Variants in MEI4 observed in about 807,000 individuals in gnomAD.
MEI4 encodes the protein meiosis-specific protein MEI4.
In MEI4, 27 loss-of-function variants were observed where a neutral mutation model predicts 31.4. The observed-to-expected ratio is 0.86, with a 90% CI of 0.63 to 1.19. MEI4 has a LOEUF of 1.19. MEI4 is among the 50% of genes most tolerant of loss of function. The pLI is 0.00. For synonymous variants in MEI4, 122 were observed against 145.4 expected, an observed-to-expected ratio of 0.84 and a Z score of 1.16; for missense variants, 329 against 398.9, an observed-to-expected ratio of 0.82 and a Z score of 1.49.
intron 2 of MEI4, among the ~76,000 whole-genome samples, chr6:77,711,798 C>T (rs1044508581): frequency 1.3e-5 from 2 of 152,166 alleles, no homozygotes; most frequent in East Asian, 1.9e-4. Flanking sequence ...TTATAAGGTA[C>T]ATCTTTAAAA....
At chr6:77,749,818 C>T (rs750875233) in intron 2 of MEI4, among the ~76,000 whole-genome samples, 39 of 152,108 alleles carry the variant, frequency 2.6e-4, no homozygotes, top group Non-Finnish European at 4.0e-4. Flanking sequence ...ACATAATGAT[C>T]AGATTCACCA....
intron 1 of MEI4, among the ~76,000 whole-genome samples, chr6:77,689,703 GA>G (rs1278276533): frequency 1.1e-4 from 17 of 152,022 alleles, no homozygotes; most frequent in Admixed American, 1.1e-3. Context: ...AATATGGAAG[GA>G]TAGGCTGGGG....
At chr6:77,919,960 A>G (rs1185242896) in intron 4 of MEI4, among the ~76,000 whole-genome samples, 1 of 148,100 alleles carries the variant, frequency 6.8e-6, no homozygotes, top group East Asian at 2.1e-4. Flanking sequence ...AAGAAGTTGA[A>G]TCTCTGAATA....
chr6:77,889,684 G>C (rs1771710796), intron 4 of MEI4, among the ~76,000 whole-genome samples: 1 of 152,226 alleles, frequency 6.6e-6, no homozygotes, highest in African/African-American at 2.4e-5. Context: ...TGTCTCCAGA[G>C]CATGTCAAGA....
chr6:77,737,398 T>C (rs1767279527), intron 2 of MEI4, among the ~76,000 whole-genome samples: 2 of 152,062 alleles, frequency 1.3e-5, no homozygotes, highest in African/African-American at 4.8e-5. Context: ...AAAAGATTTT[T>C]AGTTGTTCTG....
intron 2 of MEI4, among the ~76,000 whole-genome samples, chr6:77,730,708 T>C (rs1040095134): frequency 1.3e-5 from 2 of 151,998 alleles, no homozygotes; most frequent in Non-Finnish European, 2.9e-5. Context: ...ACATGTGCCA[T>C]GCTGGTGCGC....
At chr6:77,789,247 A>C (rs959103322) in intron 3 of MEI4, among the ~76,000 whole-genome samples, 3 of 152,184 alleles carry the variant, frequency 2.0e-5, no homozygotes, top group Admixed American at 2.0e-4. Flanking sequence ...CTTATACAAA[A>C]ATCAATTCAA....
intron 4 of MEI4, among the ~76,000 whole-genome samples, chr6:77,872,125 C>A (rs1771209462): frequency 6.6e-6 from 1 of 152,126 alleles, no homozygotes; most frequent in African/African-American, 2.4e-5. Context: ...AAATCGTGTG[C>A]AGTGTTCCCA....
chr6:77,694,187 T>A (rs1296819331), intron 2 of MEI4, among the ~76,000 whole-genome samples: 1 of 152,028 alleles, frequency 6.6e-6, no homozygotes, highest in African/African-American at 2.4e-5. Context: ...CATTATTTGT[T>A]GTCTATTTGA....
intron 2 of MEI4, among the ~76,000 whole-genome samples, chr6:77,697,356 G>A (rs1206452257): frequency 1.4e-4 from 21 of 152,058 alleles, no homozygotes; most frequent in Admixed American, 2.6e-4. Context: ...TAATTGTGAT[G>A]TTAGGGTGTC....
chr6:77,802,716 A>G (rs567298373), intron 3 of MEI4, among the ~76,000 whole-genome samples: 1 of 152,064 alleles, frequency 6.6e-6, no homozygotes, highest in Non-Finnish European at 1.5e-5. Flanking sequence ...GATTTTATTT[A>G]TCCTTCACTT....
chr6:77,866,205 A>G (rs935719650), intron 4 of MEI4, among the ~76,000 whole-genome samples: 34 of 152,026 alleles, frequency 2.2e-4, no homozygotes, highest in Non-Finnish European at 3.2e-4. Flanking sequence ...CTCCTATTCA[A>G]CATAGTGTTG....
chr6:77,831,487 A>G (rs2127712148), intron 4 of MEI4, among the ~76,000 whole-genome samples: 1 of 151,256 alleles, frequency 6.6e-6, no homozygotes, highest in East Asian at 1.9e-4. Context: ...CCATCACTAA[A>G]TGAATGAATA....
chr6:77,866,538 G>C (rs759380540), intron 4 of MEI4, among the ~76,000 whole-genome samples: 6 of 152,134 alleles, frequency 3.9e-5, no homozygotes, highest in East Asian at 3.9e-4. Flanking sequence ...AGGACCTCTT[G>C]AAGGAGAACT....
intron 4 of MEI4, among the ~76,000 whole-genome samples, chr6:77,913,974 C>T (rs1403667538): frequency 2.0e-5 from 3 of 148,202 alleles, no homozygotes; most frequent in Non-Finnish European, 1.5e-5. Flanking sequence ...GTGGAGCTTG[C>T]AGTGAGCCAA....
At chr6:77,852,939 G>C (rs1341284630) in intron 4 of MEI4, among the ~76,000 whole-genome samples, 1 of 152,048 alleles carries the variant, frequency 6.6e-6, no homozygotes, top group African/African-American at 2.4e-5. Context: ...GCTCACACCT[G>C]TGTAATCCCA....
chr6:77,709,920 T>C (rs1418872786), intron 2 of MEI4, among the ~76,000 whole-genome samples: 1 of 152,208 alleles, frequency 6.6e-6, no homozygotes, highest in African/African-American at 2.4e-5. Context: ...CTCCTATTTG[T>C]CTTCCGAGCA....
Position 77,845,872 on chromosome 6 carries a change from A to G in MEI4, c.900+16810A>G, listed in dbSNP as rs562662330. On this transcript the variant is annotated intron_variant, in intron 4 of 4. Transcript: ENST00000684080. ...TTTGTTGAGTGCACTGAATCCTTAA[A>G]ACAGAAGTCTTGTTTTTTTTTTTTT... 4.3e-4 allele frequency among the ~76,000 whole-genome samples: 52 copies of G among 122,164 alleles called. 1 individual carries two copies. The South Asian group carries it at 0.014, about 32-fold the overall frequency. The allele number at this position is 122,164 out of a possible 152,430, so 80.1% of individuals were successfully genotyped here.
chr6:77,895,336 C>T (rs1368501939), intron 4 of MEI4, among the ~76,000 whole-genome samples: 1 of 152,114 alleles, frequency 6.6e-6, no homozygotes, highest in Non-Finnish European at 1.5e-5. Context: ...AGATTAACGA[C>T]ACCTCTCCCT....
Sources: gnomAD v4.1 joint callset for allele counts (sites outside exome capture counted in the v4.1 genomes callset) on GRCh38, gnomAD v4.1.1 for gene constraint, MANE v1.5 for transcripts, NCBI Gene and HGNC (gene_info 2026-07-23, HGNC 2026-07-21) for gene names.